Variants in CDH18 observed in about 807,000 individuals in gnomAD.
CDH18 encodes cadherin-18.
CDH18 carries 31 observed loss-of-function variants against 67.9 expected under a neutral mutation model. That is an observed-to-expected ratio of 0.46 (90% confidence interval 0.34 to 0.62). The LOEUF is 0.62. CDH18 is among the 20% of genes least tolerant of loss of function. CDH18 has a pLI of 0.01. For missense variants in CDH18, 890 were observed against 975.5 expected (o/e 0.91, Z 1.17); for synonymous variants, 362 against 347.2 (o/e 1.04, Z -0.48).
intron 9 of CDH18, among the ~76,000 whole-genome samples, chr5:19,524,907 G>A (rs1445519681): frequency 2.6e-5 from 4 of 151,992 alleles, no homozygotes; most frequent in Admixed American, 6.6e-5. Context: ...CACCACGCCC[G>A]GCTAATTTAT....
intron 2 of CDH18, among the ~76,000 whole-genome samples, chr5:20,054,110 C>T (rs553882545): frequency 6.6e-5 from 10 of 152,154 alleles, no homozygotes; most frequent in South Asian, 4.1e-4. Context: ...AGAATATATA[C>T]GGTACAATTT....
At chr5:20,045,587 A>G (rs1269632726) in intron 2 of CDH18, among the ~76,000 whole-genome samples, 4 of 151,932 alleles carry the variant, frequency 2.6e-5, no homozygotes, top group Non-Finnish European at 5.9e-5. Context: ...ACATATATAT[A>G]TATATATGAA....
intron 2 of CDH18, among the ~76,000 whole-genome samples, chr5:19,863,037 A>T (rs534433229): frequency 3.9e-4 from 59 of 152,260 alleles, no homozygotes; most frequent in African/African-American, 1.4e-3. Context: ...AAATGGGAGA[A>T]CAGGGTAAGC....
At chr5:20,460,491 A>C (rs1254790607) in intron 1 of CDH18, among the ~76,000 whole-genome samples, 2 of 152,128 alleles carry the variant, frequency 1.3e-5, no homozygotes, top group African/African-American at 2.4e-5. Flanking sequence ...TACTAGAGCT[A>C]ACTCTGGCCC....
At chr5:19,561,335 T>C (rs946542159) in intron 8 of CDH18, among the ~76,000 whole-genome samples, 1 of 152,020 alleles carries the variant, frequency 6.6e-6, no homozygotes, top group Non-Finnish European at 1.5e-5. Context: ...GCCACAAAAA[T>C]GAATGAAATA....
At chr5:19,521,619 A>G (rs1746905312) in intron 9 of CDH18, among the ~76,000 whole-genome samples, 2 of 152,134 alleles carry the variant, frequency 1.3e-5, no homozygotes, top group African/African-American at 4.8e-5. Flanking sequence ...AGTAAAAAAG[A>G]TACAACAATA....
chr5:20,103,601 C>T (rs998161410), intron 2 of CDH18, among the ~76,000 whole-genome samples: 10 of 146,004 alleles, frequency 6.8e-5, no homozygotes, highest in South Asian at 4.3e-4. Context: ...GGAGTGGTGG[C>T]GGGTGCCTGT....
chr5:20,225,156 A>G (rs1037577948), intron 2 of CDH18, among the ~76,000 whole-genome samples: 4 of 152,088 alleles, frequency 2.6e-5, no homozygotes, highest in African/African-American at 9.7e-5. Context: ...AAATCCTAGT[A>G]TCATACATGC....
chr5:19,929,918 A>G (rs146891011), intron 2 of CDH18, among the ~76,000 whole-genome samples: 32 of 152,226 alleles, frequency 2.1e-4, no homozygotes, highest in Middle Eastern at 3.4e-3. Flanking sequence ...GGCTTTCTGC[A>G]GCAGGAAAAA....
intron 2 of CDH18, among the ~76,000 whole-genome samples, chr5:20,196,660 G>A (rs1034040007): frequency 9.9e-5 from 15 of 152,230 alleles, no homozygotes; most frequent in Admixed American, 9.8e-4. Flanking sequence ...ATATGAAATA[G>A]AATTTGAACG....
chr5:20,406,282 C>T (rs932941938), intron 1 of CDH18, among the ~76,000 whole-genome samples: 8 of 152,094 alleles, frequency 5.3e-5, no homozygotes, highest in Middle Eastern at 6.8e-3. Flanking sequence ...TGTCCTTTGT[C>T]GGGACATGGA....
At chr5:20,329,971 G>C (rs892765265) in intron 1 of CDH18, among the ~76,000 whole-genome samples, 7 of 151,728 alleles carry the variant, frequency 4.6e-5, no homozygotes, top group African/African-American at 1.5e-4. Flanking sequence ...ATTTTTCCTA[G>C]AGAGAAGTCT....
chr5:19,828,406 C>T (rs190271585), intron 3 of CDH18, among the ~76,000 whole-genome samples: 1 of 151,318 alleles, frequency 6.6e-6, no homozygotes. Context: ...CTGTCAGATA[C>T]ACAACAAAAA....
rs547453780 is a variant in CDH18, at chr5:20,267,732, T to C, written c.-579-12227A>G. On this transcript the variant is annotated intron_variant, in intron 1 of 14. Transcript: ENST00000507958. ...ATTGGTGTTTAGAAACACTACTGAA[T>C]TTTGTAATTTGATTTTGTACCCTGA... Among the ~76,000 whole-genome samples, 18 of 152,302 alleles carry C rather than the reference T, an allele frequency of 1.2e-4. No individual in the cohort carries two copies. The South Asian group carries it at 3.7e-3, about 32-fold the overall frequency.
intron 2 of CDH18, among the ~76,000 whole-genome samples, chr5:19,928,046 T>C (rs1793280744): frequency 6.6e-6 from 1 of 152,156 alleles, no homozygotes; most frequent in Admixed American, 6.6e-5. Context: ...CATGCAGAGC[T>C]CTGAAAAACA....
chr5:19,752,572 C>T (rs545103201), intron 3 of CDH18, among the ~76,000 whole-genome samples: 34 of 152,204 alleles, frequency 2.2e-4, no homozygotes, highest in Non-Finnish European at 4.4e-4. Flanking sequence ...CCTGCCCCCA[C>T]CCAATGGTAC....
At position 19,472,009 on chromosome 5, in the gene CDH18, A is replaced by G. The variant is rs1737689758; in HGVS notation, c.*1217T>C. ...CTCTACTTTGTGGTTTGGACCCTGA[A>G]CACAGAGACTTTCGGAAACATATCT... On this transcript the variant is annotated 3_prime_UTR_variant, in exon 13 of 13. Transcript: ENST00000382275. Among the ~76,000 whole-genome samples, 1 of 152,156 alleles carries G rather than the reference A, an allele frequency of 6.6e-6. No individual in the cohort carries two copies. Among genetic ancestry groups the G allele is most frequent in the African/African-American group, 2.4e-5 (1 of 41,448 alleles).
intron 1 of CDH18, among the ~76,000 whole-genome samples, chr5:20,299,878 G>A (rs1339520437): frequency 6.6e-6 from 1 of 151,938 alleles, no homozygotes; most frequent in African/African-American, 2.4e-5. Flanking sequence ...AAGGAAGCTG[G>A]GACATATTTT....
chr5:19,497,408 T>C (rs897327434), intron 11 of CDH18, among the ~76,000 whole-genome samples: 3 of 152,164 alleles, frequency 2.0e-5, no homozygotes, highest in Non-Finnish European at 4.4e-5. Context: ...TTTCCACCAA[T>C]ATATTCCCAG....
Sources: allele counts gnomAD v4.1 joint callset (sites outside exome capture counted in the v4.1 genomes callset), GRCh38; gene constraint gnomAD v4.1.1; transcripts MANE v1.5; gene names NCBI Gene and HGNC (gene_info 2026-07-23, HGNC 2026-07-21).